ACYP2: variants seen among roughly 807,000 people sequenced by gnomAD.
The protein encoded by ACYP2 is acylphosphatase-2.
In ACYP2, 12 loss-of-function variants were observed where a neutral mutation model predicts 11.2. That is an observed-to-expected ratio of 1.08 (90% CI 0.69 to 1.74). The LOEUF is 1.74. Among genes scored for constraint, ACYP2 ranks in the 40% most tolerant of loss-of-function variants. The pLI is 0.00. For synonymous variants in ACYP2, 43 were observed against 32.2 expected, an observed-to-expected ratio of 1.33 and a Z score of -1.13; for missense variants, 134 against 101.9, an observed-to-expected ratio of 1.31 and a Z score of -1.35.
chr2:54,203,855 A>AG (rs1684957001), intron 6 of ACYP2, among the ~76,000 whole-genome samples: 1 of 152,108 alleles, frequency 6.6e-6, no homozygotes, highest in Non-Finnish European at 1.5e-5. Context: ...ATGCTTATAA[A>AG]TATAAAATTT....
intron 2 of ACYP2, among the ~76,000 whole-genome samples, chr2:54,050,693 A>G (rs768538662): frequency 1.9e-4 from 29 of 152,186 alleles, no homozygotes; most frequent in Non-Finnish European, 4.0e-4. Context: ...GGGTAAAACA[A>G]TTGCATCCCC....
chr2:53,995,378 T>C (rs1672521204), intron 2 of ACYP2, among the ~76,000 whole-genome samples: 1 of 152,168 alleles, frequency 6.6e-6, no homozygotes, highest in African/African-American at 2.4e-5. Flanking sequence ...AATGCATAAA[T>C]CATCACATTT....
chr2:54,232,814 A>G (rs1486641439), intron 6 of ACYP2, among the ~76,000 whole-genome samples: 1 of 152,094 alleles, frequency 6.6e-6, no homozygotes, highest in Non-Finnish European at 1.5e-5. Context: ...GAACTCATTT[A>G]CTATCACAGG....
intron 4 of ACYP2, among the ~76,000 whole-genome samples, chr2:54,094,520 T>C (rs1199983775): frequency 1.3e-5 from 2 of 151,344 alleles, no homozygotes; most frequent in Admixed American, 1.3e-4. Context: ...TGAGCCACCA[T>C]GCCCGGCCCA....
chr2:54,134,704 C>T (rs1188840553), intron 4 of ACYP2, among the ~76,000 whole-genome samples: 1 of 152,158 alleles, frequency 6.6e-6, no homozygotes, highest in Non-Finnish European at 1.5e-5. Context: ...TCAGAGTAAA[C>T]ATTTTATTTA....
chr2:54,019,314 C>T (rs1375805740), intron 2 of ACYP2, among the ~76,000 whole-genome samples: 1 of 151,944 alleles, frequency 6.6e-6, no homozygotes, highest in African/African-American at 2.4e-5. Flanking sequence ...TCAAGTTATC[C>T]TCCTGCCTCA....
intron 6 of ACYP2, among the ~76,000 whole-genome samples, chr2:54,301,767 T>C (rs1280424396): frequency 6.6e-6 from 1 of 152,166 alleles, no homozygotes; most frequent in Non-Finnish European, 1.5e-5. Flanking sequence ...CTTGGAGAAC[T>C]CTTAGTTCTG....
At chr2:54,007,138 C>CAAAAAAAAAAAAAAAAAA in intron 2 of ACYP2, among the ~76,000 whole-genome samples, 1 of 52,200 alleles carries the variant, frequency 1.9e-5, no homozygotes, top group Non-Finnish European at 3.5e-5. Context: ...GACTCTGTGT[C>CAAAAAAAAAAAAAAAAAA]AAAAAAAAAA....
At chr2:54,209,349 T>C (rs1469543202) in intron 6 of ACYP2, among the ~76,000 whole-genome samples, 1 of 152,214 alleles carries the variant, frequency 6.6e-6, no homozygotes, top group Non-Finnish European at 1.5e-5. Flanking sequence ...TCTGGAAAAT[T>C]TGAATACCCT....
Position 54,138,670 on chromosome 2 carries a change from T to C in ACYP2, c.326T>C (p.Val109Ala), listed in dbSNP as rs1422318705. The change falls in exon 6 of 7, where the codon GTG becomes GCG. Residue 109 changes from valine (V) to alanine (A), a missense_variant. Val to Ala is a moderately conservative substitution (Grantham distance 64). Transcript: ENST00000607452. ...GAAGATGAAGCTAGGAAAATAGGAG[T>C]GGTTGGCTGGGTGAAGAATACCAGC... 1.2e-6 allele frequency: 2 copies of C among 1,613,926 alleles called. No individual in the cohort carries two copies. Among genetic ancestry groups the C allele is most frequent in the African/African-American group, 1.3e-5 (1 of 74,998 alleles).
In ACYP2 at chr2:54,255,895, G is replaced by A. The variant is rs756503514; in HGVS notation, c.405-48793G>A. On this transcript the variant is annotated intron_variant, in intron 6 of 6. Coordinates refer to ENST00000607452, the MANE Select transcript of ACYP2 (RefSeq NM_001320586.2). ...GGGTGGTGGAGTCACTTCCTGCCCC[G>A]CTTTGATGGCTCCATGACTGCGACC... is the stretch of plus-strand genomic sequence containing the variant. 8.1e-6 allele frequency: 13 copies of A among 1,613,978 alleles called. 1 individual carries two copies. In the South Asian group the frequency reaches 9.9e-5, roughly 12 times the overall value.
chr2:54,048,969 G>C (rs952920520), intron 2 of ACYP2, among the ~76,000 whole-genome samples: 1 of 152,142 alleles, frequency 6.6e-6, no homozygotes, highest in African/African-American at 2.4e-5. Context: ...TCTGTTCTGA[G>C]ATAGGTTAGA....
chr2:54,277,308 A>C (rs1474697445), intron 6 of ACYP2, among the ~76,000 whole-genome samples: 1 of 152,200 alleles, frequency 6.6e-6, no homozygotes, highest in Admixed American at 6.5e-5. Context: ...TACTTTTAAT[A>C]GTTTCCATTT....
In ACYP2 at chr2:54,116,705, T is replaced by C. The variant is rs143472399; in HGVS notation, c.278-18748T>C. On this transcript the variant is annotated intron_variant, in intron 4 of 6. Transcript: ENST00000607452. ...TCTCAGCAAGGCAATTTTACCTCTA[T>C]AGAAGGGTGCGACTCGCGGATGAAG... Among the ~76,000 whole-genome samples the C allele has an allele frequency of 2.0e-4, 31 of 152,252 alleles. No individual in the cohort carries two copies. The East Asian group carries it at 5.0e-3, about 25-fold the overall frequency.
chr2:54,227,579 G>A (rs1686061489), intron 6 of ACYP2, among the ~76,000 whole-genome samples: 3 of 151,592 alleles, frequency 2.0e-5, no homozygotes, highest in Admixed American at 2.0e-4. Context: ...GGCCGAGACT[G>A]CGCCACTGCA....
intron 6 of ACYP2, chr2:54,255,277 C>A (rs369396016): frequency 6.2e-7 from 1 of 1,614,070 alleles, no homozygotes; most frequent in African/African-American, 1.3e-5. Context: ...CTTAAACTTG[C>A]AGCCTGTCCT....
At chr2:54,200,981 A>G (rs1036323962) in intron 6 of ACYP2, among the ~76,000 whole-genome samples, 1 of 151,784 alleles carries the variant, frequency 6.6e-6, no homozygotes, top group East Asian at 1.9e-4. Flanking sequence ...TATGGTTTTG[A>G]TTTGTATTTC....
intron 2 of ACYP2, among the ~76,000 whole-genome samples, chr2:53,993,561 G>T (rs1350528205): frequency 6.6e-6 from 1 of 151,954 alleles, no homozygotes; most frequent in Non-Finnish European, 1.5e-5. Context: ...GCTGGGTGTG[G>T]TGGTGGGCAT....
rs377712147 is a variant in ACYP2, at chr2:53,996,106, C to A, written c.62+22296C>A. ...CCTAGATTGTGCCACTGCACTCCAG[C>A]CCGGGCAACAAGAGCGAAACTCTGT... On this transcript the variant is annotated intron_variant, in intron 2 of 6. Transcript: ENST00000607452. Among the ~76,000 whole-genome samples the A allele has an allele frequency of 6.7e-4, 102 of 151,988 alleles. No individual in the cohort carries two copies. In the South Asian group the frequency reaches 0.02, roughly 29 times the overall value.
Sources: gnomAD v4.1 joint callset for allele counts (sites outside exome capture counted in the v4.1 genomes callset) on GRCh38, gnomAD v4.1.1 for gene constraint, MANE v1.5 for transcripts, NCBI Gene and HGNC (gene_info 2026-07-23, HGNC 2026-07-21) for gene names.